STK31: variants seen among roughly 807,000 people sequenced by gnomAD.
STK31 encodes the protein serine/threonine kinase 31.
Under a neutral mutation model 129.7 loss-of-function variants are expected in STK31, and 89 were observed. The ratio of observed to expected loss-of-function variants is 0.69; its 90% CI spans 0.58 to 0.82. The LOEUF is 0.82. Ranked by LOEUF, STK31 falls within the 40% of genes least tolerant of loss-of-function variation. The probability of loss-of-function intolerance (pLI) is 0.00; values close to 1 mark genes in which losing one functional copy is unlikely to be tolerated. For missense variants in STK31, 1,187 were observed against 1,176.4 expected, an observed-to-expected ratio of 1.01 and a Z score of -0.13; for synonymous variants, 448 against 395.3, an observed-to-expected ratio of 1.13 and a Z score of -1.58.
chr7:23,801,926 G>C (rs1336814281), intron 22 of STK31, among the ~76,000 whole-genome samples: 1 of 152,054 alleles, frequency 6.6e-6, no homozygotes, highest in Non-Finnish European at 1.5e-5. Flanking sequence ...ATACTGTCTT[G>C]GTTACTGTAT....
Position 23,786,528 on chromosome 7 carries a change from C to T in STK31, c.2295C>T (p.Asp765=), listed in dbSNP as rs1554293803. The T allele has an allele frequency of 1.9e-6, 3 of 1,613,224 alleles. No individual in the cohort carries two copies. The highest frequency in any genetic ancestry group is 3.3e-4 in the Middle Eastern group (2 of 6,048). Residue 765 remains aspartate, a synonymous_variant, in exon 19 of 24, where the codon GAC becomes GAT. Coordinates refer to ENST00000355870, the MANE Select transcript of STK31 (RefSeq NM_031414.5). The part of the protein sequence containing the change: ...ILLKGYSVDV[D]TEAKVIERAA... ...ACAAGGGCTATTCTGTGGATGTTGA[C>T]ACAGAAGCCAAGGTGATTGAGAGAG...
intron 8 of STK31, among the ~76,000 whole-genome samples, chr7:23,745,846 G>T (rs538038942): frequency 1.3e-5 from 2 of 152,140 alleles, no homozygotes; most frequent in Non-Finnish European, 2.9e-5. Context: ...CTTCTTGGGC[G>T]TAGAGTGGCT....
At chr7:23,710,415 C>T in intron 1 of STK31, 80 bp downstream of exon 1, 3 of 1,605,808 alleles carry the variant, frequency 1.9e-6, no homozygotes, top group Non-Finnish European at 2.5e-6. Context: ...TTTAAGTCTC[C>T]AATCCTGGGA....
intron 13 of STK31, 28 bp downstream of exon 13, chr7:23,769,784 C>T: frequency 1.4e-6 from 2 of 1,433,278 alleles, no homozygotes; most frequent in Non-Finnish European, 1.9e-6. Context: ...TTATTATTGC[C>T]TCCTTTGAAG....
At position 23,754,335 on chromosome 7, in the gene STK31, G is replaced by A. The variant is rs745779355; in HGVS notation, c.1154G>A (p.Arg385His). Residue 385 changes from arginine (R) to histidine (H), a missense_variant, in exon 10 of 24, where the codon CGT becomes CAT. Around this residue, in one of 5 missense-constraint regions of STK31, gnomAD observed 975 missense variants for 934.9 expected, o/e 1.04. Transcript: ENST00000355870. ...KEMRHVDISV[R>H]FGKDLSDAIQ... The stretch of plus-strand genomic sequence containing the variant: ...AATAGGCATGTCGACATCAGTGTCC[G>A]TTTCGGAAAAGACCTTTCAGATGCT... The A allele has an allele frequency of 3.0e-5, 49 of 1,610,532 alleles. No homozygotes were observed. Among genetic ancestry groups the A allele is most frequent in the Non-Finnish European group, 3.8e-5 (45 of 1,179,200 alleles).
intron 22 of STK31, among the ~76,000 whole-genome samples, chr7:23,792,847 C>T (rs1791724345): frequency 6.6e-6 from 1 of 152,096 alleles, no homozygotes; most frequent in South Asian, 2.1e-4. Context: ...CACAAGTGAG[C>T]ACCCCCTGTC....
chr7:23,829,164 G>T (rs1339427850), intron 23 of STK31, among the ~76,000 whole-genome samples: 3 of 151,962 alleles, frequency 2.0e-5, no homozygotes, highest in Admixed American at 2.0e-4. Flanking sequence ...GCCCACCTCG[G>T]CCTCCCAAAG....
intron 11 of STK31, among the ~76,000 whole-genome samples, chr7:23,768,248 A>G (rs1043874946): frequency 2.6e-5 from 4 of 152,168 alleles, no homozygotes; most frequent in East Asian, 1.9e-4. Flanking sequence ...GTAACATGCT[A>G]TATCTAGGAG....
At chr7:23,808,923 G>A (rs1047155836) in intron 22 of STK31, among the ~76,000 whole-genome samples, 3 of 143,184 alleles carry the variant, frequency 2.1e-5, no homozygotes, top group Non-Finnish European at 4.6e-5. Context: ...GCTACAGGAA[G>A]CAGGCTTTTC....
At chr7:23,827,609 C>T (rs1416918783) in intron 23 of STK31, among the ~76,000 whole-genome samples, 1 of 152,176 alleles carries the variant, frequency 6.6e-6, no homozygotes, top group Non-Finnish European at 1.5e-5. Flanking sequence ...CAAAGTCATT[C>T]TCTGTCCAGC....
chr7:23,769,560 A>G, intron 12 of STK31, 80 bp from the exon 13 acceptor site: 1 of 967,904 alleles, frequency 1.0e-6, no homozygotes, highest in Non-Finnish European at 1.6e-6. Flanking sequence ...ATAGCTTAAT[A>G]CTCTGCTTCA....
At chr7:23,726,447 A>AT (rs1477289311) in intron 4 of STK31, 1 of 148,576 alleles carries the variant, frequency 6.7e-6, no homozygotes, top group East Asian at 1.9e-4. Context: ...AAAAAAAAAA[A>AT]AAAAAAAAAA....
chr7:23,734,396 A>G (rs1017705948), intron 6 of STK31, among the ~76,000 whole-genome samples: 1 of 152,224 alleles, frequency 6.6e-6, no homozygotes, highest in Non-Finnish European at 1.5e-5. Flanking sequence ...TATAGTACGC[A>G]CAGGGTGAAA....
intron 3 of STK31, among the ~76,000 whole-genome samples, chr7:23,716,687 A>G (rs1204375989): frequency 6.6e-6 from 1 of 152,012 alleles, no homozygotes; most frequent in Non-Finnish European, 1.5e-5. Flanking sequence ...CTATGCTATC[A>G]TAATTTATTT....
At chr7:23,821,006 C>T (rs527900031) in intron 23 of STK31, among the ~76,000 whole-genome samples, 2 of 151,892 alleles carry the variant, frequency 1.3e-5, no homozygotes, top group Non-Finnish European at 2.9e-5. Context: ...CATGGGGGTG[C>T]AGGTTTCATA....
chr7:23,828,710 C>T (rs973501094), intron 23 of STK31, among the ~76,000 whole-genome samples: 6 of 152,302 alleles, frequency 3.9e-5, no homozygotes, highest in African/African-American at 1.4e-4. Context: ...TAGACTGGAG[C>T]TGTTCCTATT....
At chr7:23,761,572 C>T (rs1789464982) in intron 10 of STK31, among the ~76,000 whole-genome samples, 1 of 151,946 alleles carries the variant, frequency 6.6e-6, no homozygotes, top group Non-Finnish European at 1.5e-5. Flanking sequence ...AGGCGCCTGC[C>T]ACTCTGCCCA....
At chr7:23,738,677 C>G (rs1220360367) in intron 8 of STK31, among the ~76,000 whole-genome samples, 2 of 151,958 alleles carry the variant, frequency 1.3e-5, no homozygotes, top group African/African-American at 4.8e-5. Context: ...CTGCCTCAGC[C>G]TCCTGATAGC....
intron 6 of STK31, among the ~76,000 whole-genome samples, chr7:23,731,408 T>C (rs961426360): frequency 6.6e-6 from 1 of 152,224 alleles, no homozygotes; most frequent in Non-Finnish European, 1.5e-5. Flanking sequence ...TCACTCCGTA[T>C]ATAAAGCCTA....
Sources: allele counts gnomAD v4.1 joint callset (sites outside exome capture counted in the v4.1 genomes callset), GRCh38; gene constraint gnomAD v4.1.1; regional missense constraint gnomAD v4.1.1; transcripts MANE v1.5; gene names NCBI Gene and HGNC (gene_info 2026-07-23, HGNC 2026-07-21).